Variants in FLT3 observed in about 807,000 individuals in gnomAD.
The protein encoded by FLT3 is fms related receptor tyrosine kinase 3.
In FLT3, 46 loss-of-function variants were observed where a neutral mutation model predicts 126.6. That is an observed-to-expected ratio of 0.36 (90% confidence interval 0.29 to 0.46). FLT3 has a LOEUF of 0.46. Ranked by LOEUF, FLT3 falls within the 20% of genes least tolerant of loss-of-function variation. FLT3 has a pLI of 1.00. For missense variants in FLT3, 1,069 were observed against 1,190.3 expected, an observed-to-expected ratio of 0.90 and a Z score of 1.50; for synonymous variants, 404 against 434.4, an observed-to-expected ratio of 0.93 and a Z score of 0.87.
Position 28,035,607 on chromosome 13 carries a change from C to G in FLT3, c.1485G>C (p.Trp495Cys), listed in dbSNP as rs550449543. 1.2e-6 allele frequency: 2 copies of G among 1,614,124 alleles called. No homozygotes were observed. Among genetic ancestry groups the G allele is most frequent in the South Asian group, 2.2e-5 (2 of 91,070 alleles). The change falls in exon 12 of 24, where the codon TGG (tryptophan) becomes TGC (cysteine). Residue 495 changes from tryptophan to cysteine, a missense_variant. Transcript: ENST00000241453. ...RKANRKVFGQWVSSSTLNMSE... is the reference protein window; with the variant it reads ...RKANRKVFGQCVSSSTLNMSE... Reference sequence around the variant, plus strand: ...TCATGTTTAGAGTACTGCTCGACACCCACTGTCCAAACACTTTTCTGTTAG... The same window carrying G: ...TCATGTTTAGAGTACTGCTCGACACGCACTGTCCAAACACTTTTCTGTTAG...
chr13:28,092,723 A>G (rs758460314), intron 1 of FLT3, among the ~76,000 whole-genome samples: 3 of 151,796 alleles, frequency 2.0e-5, no homozygotes, highest in Non-Finnish European at 4.4e-5. Flanking sequence ...TACAAATCAG[A>G]GCATGTCACA....
At chr13:28,061,545 C>T (rs902618258) in intron 3 of FLT3, among the ~76,000 whole-genome samples, 3 of 151,868 alleles carry the variant, frequency 2.0e-5, no homozygotes, top group African/African-American at 7.3e-5. Context: ...GTGGGTGGAT[C>T]GCTTAAACCC....
rs1313292602 is a variant in FLT3 at position 28,048,448 on chromosome 13, A to G, written c.1037-5T>C. The G allele has an allele frequency of 2.4e-5, 38 of 1,564,080 alleles. No individual in the cohort carries two copies. Among genetic ancestry groups the G allele is most frequent in the Non-Finnish European group, 3.2e-5 (36 of 1,138,190 alleles). ...TAGCATTTATAAATCCCTTTTCTGT[A>G]AGAAAAAATAGGCATTTATGAGTTA... is the stretch of plus-strand genomic sequence containing the variant. On this transcript the variant is annotated splice_polypyrimidine_tract_variant and splice_region_variant and intron_variant, in intron 8 of 23. Transcript: ENST00000241453.
chr13:28,065,274 C>T (rs1167598243), intron 2 of FLT3, among the ~76,000 whole-genome samples: 1 of 152,160 alleles, frequency 6.6e-6, no homozygotes. Flanking sequence ...TGATACTTCT[C>T]TGAGTATACT....
intron 9 of FLT3, among the ~76,000 whole-genome samples, chr13:28,045,589 G>C (rs1874778236): frequency 6.6e-6 from 1 of 152,150 alleles, no homozygotes; most frequent in Admixed American, 6.5e-5. Context: ...GCCAGGCGCG[G>C]TGGCTCACGC....
intron 18 of FLT3, 64 bp from the exon 19 acceptor site, chr13:28,023,541 A>G (rs553790799): frequency 1.2e-5 from 19 of 1,574,352 alleles, no homozygotes; most frequent in Non-Finnish European, 7.8e-6. Flanking sequence ...TTAAATCTCT[A>G]TGGGAAGGTT....
intron 23 of FLT3, among the ~76,000 whole-genome samples, chr13:28,011,747 TTC>T (rs1871408088): frequency 1.3e-5 from 2 of 151,352 alleles, no homozygotes; most frequent in Non-Finnish European, 2.9e-5. Context: ...TTTCTTTTTT[TTC>T]TCTCTTTCTC....
rs142985098 is a variant in FLT3 at position 28,024,990 on chromosome 13, C to T, written c.2208-47G>A. On this transcript the variant is annotated intron_variant, in intron 17 of 23. Coordinates refer to ENST00000241453, the MANE Select transcript of FLT3 (RefSeq NM_004119.3). ...TCATTATTTACATTATTCTTCTCAG[C>T]AGACATTTTATTTTAAAAATGTAAT... 2.9e-5 allele frequency: 29 copies of T among 1,014,796 alleles called. 1 individual carries two copies. The African/African-American group carries it at 3.6e-4, about 12-fold the overall frequency. 62.9% of individuals were successfully genotyped at this position (1,014,796 alleles called of 1,614,324 possible). A position where few individuals can be genotyped will look rare whatever the true frequency, so the allele number is the denominator to read the frequency against.
At chr13:28,064,195 C>T (rs751679293) in intron 2 of FLT3, among the ~76,000 whole-genome samples, 6 of 152,128 alleles carry the variant, frequency 3.9e-5, no homozygotes, top group Non-Finnish European at 8.8e-5. Context: ...TAAAAAGAAC[C>T]TTTGAAAATT....
intron 2 of FLT3, chr13:28,067,897 A>G (rs9513019): frequency 0.81 from 314,879 of 388,468 alleles, 128,258 homozygotes; most frequent in East Asian, 0.84. Flanking sequence ...TAAAGAAAAT[A>G]AGCTGGCTTG....
intron 1 of FLT3, among the ~76,000 whole-genome samples, chr13:28,091,013 C>T (rs1316693373): frequency 6.6e-6 from 1 of 151,860 alleles, no homozygotes; most frequent in Admixed American, 6.6e-5. Flanking sequence ...TGACATTAAT[C>T]TAAAACTTTA....
chr13:28,038,203 T>C (rs778669105), intron 9 of FLT3, among the ~76,000 whole-genome samples: 3 of 152,102 alleles, frequency 2.0e-5, no homozygotes, highest in Non-Finnish European at 2.9e-5. Flanking sequence ...AACCACTCAA[T>C]ATTTTGACAC....
In FLT3 at chr13:28,015,149, G is replaced by A; in HGVS notation, c.2753+8C>T. The A allele has an allele frequency of 1.3e-6, 2 of 1,534,450 alleles. No individual in the cohort carries two copies. The highest frequency in any genetic ancestry group is 1.8e-6 in the Non-Finnish European group (2 of 1,109,128). ...TTTCAACCAAATTACAGTCTGACTT[G>A]AACTTACATTTCTTCTGTAGCATAA... On this transcript the variant is annotated splice_region_variant and intron_variant, in intron 22 of 23. Coordinates refer to ENST00000241453, the MANE Select transcript of FLT3 (RefSeq NM_004119.3).
intron 10 of FLT3, among the ~76,000 whole-genome samples, 155 bp downstream of exon 10, chr13:28,037,030 C>T (rs1873895481): frequency 6.6e-6 from 1 of 152,082 alleles, no homozygotes; most frequent in Non-Finnish European, 1.5e-5. Context: ...TGATCAATGC[C>T]AGTAGATATG....
chr13:28,024,041 A>G (rs9512984), intron 18 of FLT3, among the ~76,000 whole-genome samples: 138,386 of 152,172 alleles, frequency 0.91, 63,534 homozygotes, highest in Non-Finnish European at 0.97. Context: ...GATTACAGGC[A>G]TGAGCCACTG....
intron 1 of FLT3, among the ~76,000 whole-genome samples, chr13:28,081,457 T>C (rs1878300377): frequency 6.6e-6 from 1 of 152,196 alleles, no homozygotes; most frequent in African/African-American, 2.4e-5. Context: ...TGATAGTACA[T>C]CCTGCAAACT....
rs538486399 is a variant in FLT3, at chr13:28,010,089, C to G, written c.2859+4363G>C. 2.6e-5 allele frequency among the ~76,000 whole-genome samples: 4 copies of G among 152,238 alleles called. No individual in the cohort carries two copies. In the South Asian group the frequency reaches 8.3e-4, roughly 32 times the overall value. On this transcript the variant is annotated intron_variant, in intron 23 of 23. Coordinates refer to ENST00000241453, the MANE Select transcript of FLT3 (RefSeq NM_004119.3). ...CATCTCATCTTCTGCCTCGCTTTTC[C>G]AAACTTCCTTTTATGCTCTCTTTTT... is the stretch of plus-strand genomic sequence containing the variant.
At chr13:28,072,362 AG>A (rs760549461) in intron 1 of FLT3, among the ~76,000 whole-genome samples, 15 of 151,948 alleles carry the variant, frequency 9.9e-5, no homozygotes, top group Non-Finnish European at 2.1e-4. Context: ...TTTGGTGATG[AG>A]AACATTTAAG....
At chr13:28,065,494 T>C (rs1324448659) in intron 2 of FLT3, among the ~76,000 whole-genome samples, 5 of 151,758 alleles carry the variant, frequency 3.3e-5, no homozygotes, top group East Asian at 1.9e-4. Flanking sequence ...ATTAAAAAAT[T>C]AGCCAGGCAT....
Sources: gnomAD v4.1 joint callset for allele counts (sites outside exome capture counted in the v4.1 genomes callset) on GRCh38, gnomAD v4.1.1 for gene constraint, MANE v1.5 for transcripts, NCBI Gene and HGNC (gene_info 2026-07-23, HGNC 2026-07-21) for gene names.